RHBDD1: variants seen among roughly 807,000 people sequenced by gnomAD.
The protein encoded by RHBDD1 is rhomboid domain containing 1.
A neutral mutation model predicts 36.3 loss-of-function variants in RHBDD1; 38 were observed. That is an observed-to-expected ratio of 1.05 (90% CI 0.81 to 1.37). The LOEUF (loss-of-function observed/expected upper bound fraction) is 1.37. Ranked by LOEUF, RHBDD1 falls within the 40% of genes most tolerant of loss-of-function variation. The pLI is 0.00. For synonymous variants in RHBDD1, 151 were observed against 136.5 expected (o/e 1.11, Z -0.74); for missense variants, 393 against 377.6 (o/e 1.04, Z -0.34).
chr2:226,850,116 T>C (rs16822759), intron 3 of RHBDD1, among the ~76,000 whole-genome samples: 27,384 of 152,148 alleles, frequency 0.18, 3,920 homozygotes, highest in African/African-American at 0.4. Flanking sequence ...ACTGAATGTC[T>C]ACTGACCTGT....
At position 226,864,725 on chromosome 2, in the gene RHBDD1, G is replaced by A. The variant is rs757518254; in HGVS notation, c.32G>A (p.Gly11Glu). The A allele has an allele frequency of 3.1e-6, 5 of 1,613,924 alleles. No individual in the cohort carries two copies. Among genetic ancestry groups the A allele is most frequent in the Admixed American group, 3.3e-5 (2 of 60,004 alleles). The change falls in exon 4 of 9, where the codon GGA becomes GAA. Residue 11 changes from glycine (G) to glutamate (E), a missense_variant. By Grantham distance (98) the Gly-to-Glu change is moderately conservative. Transcript: ENST00000392062. The stretch of plus-strand genomic sequence containing the variant: ...CGGAGATCAAGAGGGATAAATACTG[G>A]ACTTATTCTACTCCTTTCTCAAATC... Reference protein sequence around the residue: MQRRSRGINTGLILLLSQIFH... With the variant: MQRRSRGINTELILLLSQIFH...
the RHBDD1 span, among the ~76,000 whole-genome samples, chr2:226,803,055 G>T: frequency 6.6e-6 from 1 of 152,098 alleles, no homozygotes. Context: ...AAGATGTATG[G>T]GTCATAACTG....
At chr2:226,847,443 A>G (rs1281105056) in intron 3 of RHBDD1, among the ~76,000 whole-genome samples, 2 of 135,470 alleles carry the variant, frequency 1.5e-5, no homozygotes, top group Non-Finnish European at 1.5e-5. Context: ...CAATATTGAC[A>G]TATATTTTTA....
intron 8 of RHBDD1, among the ~76,000 whole-genome samples, chr2:226,932,636 A>G (rs1397113995): frequency 1.3e-5 from 2 of 151,940 alleles, no homozygotes; most frequent in East Asian, 1.9e-4. Flanking sequence ...CTCTCCCGGT[A>G]GTATAGTGCA....
chr2:226,827,652 G>A, the RHBDD1 span, among the ~76,000 whole-genome samples: 1 of 152,126 alleles, frequency 6.6e-6, no homozygotes, highest in Non-Finnish European at 1.5e-5. Flanking sequence ...CATCTCTCCA[G>A]CTCTAGTCAA....
rs148450110 is a variant in RHBDD1 at position 226,997,721 on chromosome 2, T to C, written c.*2199T>C. 13 of 152,306 alleles carry C rather than the reference T, an allele frequency of 8.5e-5. No individual in the cohort carries two copies. The highest frequency in any genetic ancestry group is 3.1e-4 in the African/African-American group (13 of 41,574). The allele number at this position is 152,306 out of a possible 1,614,324, so 9.4% of individuals were successfully genotyped here. ...AGACACGGGATTAGATTTTGGGTGG[T>C]AAAATTGTGATACGCATGGCTGTTG... On this transcript the variant is annotated 3_prime_UTR_variant, in exon 9 of 9. Transcript: ENST00000392062.
At chr2:226,994,212 A>G (rs1303918137) in intron 8 of RHBDD1, among the ~76,000 whole-genome samples, 1 of 152,226 alleles carries the variant, frequency 6.6e-6, no homozygotes, top group Non-Finnish European at 1.5e-5. Flanking sequence ...AGTCAAGTCC[A>G]TATATTTATT....
At chr2:226,906,677 T>C (rs758313191) in intron 5 of RHBDD1, 116 bp from the exon 6 acceptor site, 3 of 1,569,818 alleles carry the variant, frequency 1.9e-6, no homozygotes. Context: ...AAAGACTTGA[T>C]GTGGAACAAA....
intron 8 of RHBDD1, among the ~76,000 whole-genome samples, chr2:226,971,797 T>G (rs1234611144): frequency 6.7e-6 from 1 of 149,994 alleles, no homozygotes; most frequent in Non-Finnish European, 1.5e-5. Flanking sequence ...TGAGATATGA[T>G]TTTTTTTTTA....
At chr2:226,974,196 GC>G (rs993947398) in intron 8 of RHBDD1, among the ~76,000 whole-genome samples, 2 of 152,054 alleles carry the variant, frequency 1.3e-5, no homozygotes, top group African/African-American at 4.8e-5. Context: ...AGGGACTTGA[GC>G]CCAGAGTGTT....
rs569110468 is a variant in RHBDD1 at position 226,845,445 on chromosome 2, G to A, written c.-91+5818G>A. 4.6e-5 allele frequency among the ~76,000 whole-genome samples: 7 copies of A among 152,290 alleles called. No individual in the cohort carries two copies. In the East Asian group the frequency reaches 7.7e-4, roughly 17 times the overall value. On this transcript the variant is annotated intron_variant, in intron 3 of 8. Coordinates refer to ENST00000392062, the MANE Select transcript of RHBDD1 (RefSeq NM_001167608.3). The stretch of plus-strand genomic sequence containing the variant: ...CCTAAGAGCACGTGGCTGGTGTATC[G>A]TAGAGCCAAGGACCATGCCCTTAAC...
intron 5 of RHBDD1, among the ~76,000 whole-genome samples, chr2:226,901,104 G>C (rs781344745): frequency 2.6e-5 from 4 of 152,146 alleles, no homozygotes; most frequent in African/African-American, 7.2e-5. Context: ...CCACATATGA[G>C]TGAGATCATA....
intron 5 of RHBDD1, among the ~76,000 whole-genome samples, chr2:226,884,999 C>G (rs985760713): frequency 6.6e-6 from 1 of 152,036 alleles, no homozygotes; most frequent in Non-Finnish European, 1.5e-5. Flanking sequence ...AAGAAAAACA[C>G]TGACAGGCAG....
At chr2:226,898,749 C>G (rs1359054375) in intron 5 of RHBDD1, among the ~76,000 whole-genome samples, 1 of 152,138 alleles carries the variant, frequency 6.6e-6, no homozygotes, top group African/African-American at 2.4e-5. Context: ...GCTAGTACTG[C>G]GAATCTGGGA....
chr2:226,862,745 G>T (rs1305437008), intron 3 of RHBDD1, among the ~76,000 whole-genome samples: 1 of 152,152 alleles, frequency 6.6e-6, no homozygotes, highest in Admixed American at 6.5e-5. Context: ...AAGAAAAGAG[G>T]TCTATTTAGC....
Position 226,887,126 on chromosome 2 carries a change from G to T in RHBDD1, c.567-19667G>T, listed in dbSNP as rs531447070. Among the ~76,000 whole-genome samples, 36 of 152,222 alleles carry T rather than the reference G, an allele frequency of 2.4e-4. No homozygotes were observed. The East Asian group carries it at 6.4e-3, about 27-fold the overall frequency. On this transcript the variant is annotated intron_variant, in intron 5 of 8. Transcript: ENST00000392062. ...CCACTTTGAGGATGATGTATATTTT[G>T]GGAGAGAATAACTTTTTCTGTTCTA...
intron 8 of RHBDD1, among the ~76,000 whole-genome samples, 160 bp from the exon 9 acceptor site, chr2:226,995,271 T>G (rs2149614187): frequency 6.6e-6 from 1 of 152,354 alleles, no homozygotes; most frequent in South Asian, 2.1e-4. Flanking sequence ...CGTTGAAATT[T>G]AGTACTGACA....
intron 5 of RHBDD1, among the ~76,000 whole-genome samples, chr2:226,884,337 A>G (rs1332581012): frequency 6.6e-6 from 1 of 152,158 alleles, no homozygotes; most frequent in Non-Finnish European, 1.5e-5. Context: ...AGTTGAAATC[A>G]TTAGTACATC....
chr2:226,914,129 T>G (rs537305673), intron 7 of RHBDD1, 79 bp from the exon 8 acceptor site: 1 of 1,295,842 alleles, frequency 7.7e-7, no homozygotes, highest in African/African-American at 1.5e-5. Context: ...CTTACTCGCT[T>G]GTCTTTGCTT....
Sources: gnomAD v4.1 joint callset for allele counts (sites outside exome capture counted in the v4.1 genomes callset) on GRCh38, gnomAD v4.1.1 for gene constraint, MANE v1.5 for transcripts, NCBI Gene and HGNC (gene_info 2026-07-23, HGNC 2026-07-21) for gene names.